NBPF9: variants seen among roughly 807,000 people sequenced by gnomAD.
NBPF9 encodes NBPF member 9.
A neutral mutation model predicts 97.8 loss-of-function variants in NBPF9; 91 were observed. The observed-to-expected ratio is 0.93, with a 90% CI of 0.79 to 1.11. The LOEUF (loss-of-function observed/expected upper bound fraction) is 1.11. NBPF9 is among the 50% of genes least tolerant of loss of function. The probability of loss-of-function intolerance (pLI) is 0.00; values close to 1 mark genes in which losing one functional copy is unlikely to be tolerated. For missense variants in NBPF9, 992 were observed against 939.5 expected (o/e 1.06, Z -0.73); for synonymous variants, 334 against 359.5 (o/e 0.93, Z 0.80).
chr1:149,059,231 A>T lies in NBPF9; in HGVS notation c.2586-134T>A, dbSNP rs1313986018. The T allele has an allele frequency of 4.4e-4, 196 of 446,130 alleles. 53 individuals are homozygous for T. The South Asian group carries it at 4.6e-3, about 10-fold the overall frequency. 27.6% of individuals were successfully genotyped at this position (446,130 alleles called of 1,614,324 possible). ...AGATCCATTAATGAGGTAATGAATT[A>T]TTGCCTTTAGGTTGGGATAGACCAG... On this transcript the variant is annotated intron_variant, in intron 25 of 29. Transcript: ENST00000584027.
At chr1:149,098,370 A>T in intron 4 of NBPF9, 68 bp downstream of exon 4, 1 of 1,018,424 alleles carries the variant, frequency 9.8e-7, no homozygotes, top group East Asian at 5.4e-5. Context: ...TCTTCCCTTC[A>T]CATCTGAGTC....
At chr1:149,101,087 T>G (rs1189875772) in intron 3 of NBPF9, among the ~76,000 whole-genome samples, 175 bp downstream of exon 3, 1 of 151,278 alleles carries the variant, frequency 6.6e-6, no homozygotes, top group African/African-American at 2.4e-5. Flanking sequence ...TATAATTTCA[T>G]TAAAATTAAG....
At position 149,061,519 on chromosome 1, in the gene NBPF9, G is replaced by A. The variant is rs1456339461; in HGVS notation, c.2252-136C>T. ...GGACAATGTGACAGATATACTTCAG[G>A]AAGCCTGAAAGCTGGTCATGATATT... On this transcript the variant is annotated intron_variant, in intron 22 of 29. Coordinates refer to ENST00000584027, the Ensembl canonical transcript of NBPF9. The A allele has an allele frequency of 3.8e-5, 18 of 473,534 alleles. 5 individuals are homozygous for A. The highest frequency in any genetic ancestry group is 5.4e-5 in the Non-Finnish European group (14 of 260,274). 29.3% of individuals were successfully genotyped at this position (473,534 alleles called of 1,614,324 possible). A position where few individuals can be genotyped will look rare whatever the true frequency, so the allele number is the denominator to read the frequency against.
At chr1:149,100,930 T>C (rs1343421061) in intron 3 of NBPF9, among the ~76,000 whole-genome samples, 5 of 150,022 alleles carry the variant, frequency 3.3e-5, no homozygotes, top group Non-Finnish European at 7.4e-5. Context: ...TGAGGCCCTG[T>C]CTGAAAAAAA....
At chr1:149,093,432 G>C (rs1451482393) in intron 4 of NBPF9, among the ~76,000 whole-genome samples, 7 of 151,920 alleles carry the variant, frequency 4.6e-5, no homozygotes, top group Non-Finnish European at 1.0e-4. Flanking sequence ...GACCCTTTAT[G>C]GGTGTCGGGC....
At position 149,072,985 on chromosome 1, in the gene NBPF9, C is replaced by G. The variant is rs377305120; in HGVS notation, c.1092-53G>C. 6 of 1,575,808 alleles carry G rather than the reference C, an allele frequency of 3.8e-6. No individual in the cohort carries two copies. In the Middle Eastern group the frequency reaches 1.4e-3, roughly 363 times the overall value. ...AGAGTGGAAAGGGTTGAGTGATCCG[C>G]TCAAATATTGCAACAGAGATTTCTG... On this transcript the variant is annotated intron_variant, in intron 13 of 29. Transcript: ENST00000584027.
At chr1:149,072,900 C>T (rs587603139) in exon 14 of NBPF9, 20 of 1,606,904 alleles carry the variant, frequency 1.2e-5, no homozygotes, top group East Asian at 6.7e-5. Context: ...GGTCAGCTCT[C>T]GTTCCTGAGC....
intron 5 of NBPF9, among the ~76,000 whole-genome samples, chr1:149,084,064 T>A (rs1253107063): frequency 2.7e-5 from 4 of 150,664 alleles, no homozygotes; most frequent in Non-Finnish European, 2.9e-5. Context: ...GAAGCGGCGG[T>A]GCGAGCATGT....
At position 149,072,121 on chromosome 1, in the gene NBPF9, G is replaced by A. The variant is rs371510240; in HGVS notation, c.1307-445C>T. 6.2e-3 allele frequency among the ~76,000 whole-genome samples: 937 copies of A among 150,340 alleles called. 6 individuals are homozygous for A. The highest frequency in any genetic ancestry group is 0.023 in the South Asian group (106 of 4,618). ...CAAGCCTCCAAGTGGCTTCTGCTGT[G>A]TTCTTCAGGGACATTCTATCCATGG... On this transcript the variant is annotated intron_variant, in intron 14 of 29. Transcript: ENST00000584027.
intron 12 of NBPF9, among the ~76,000 whole-genome samples, chr1:149,074,443 GT>G (rs2079678827): frequency 6.6e-6 from 1 of 151,546 alleles, no homozygotes; most frequent in South Asian, 2.1e-4. Flanking sequence ...TGCTAATAAA[GT>G]TTGTGTTAAT....
At chr1:149,099,536 A>G in intron 3 of NBPF9, among the ~76,000 whole-genome samples, 1 of 152,228 alleles carries the variant, frequency 6.6e-6, no homozygotes, top group Non-Finnish European at 1.5e-5. Flanking sequence ...ATGGTGAATA[A>G]GAGACAAAAT....
At position 149,063,594 on chromosome 1, in the gene NBPF9, C is replaced by T. The variant is rs1253876365; in HGVS notation, c.2026+39G>A. 3 of 609,080 alleles carry T rather than the reference C, an allele frequency of 4.9e-6. No individual in the cohort carries two copies. In the African/African-American group the frequency reaches 6.2e-5, roughly 13 times the overall value. The allele number at this position is 609,080 out of a possible 1,614,324, so 37.7% of individuals were successfully genotyped here. ...TAGGAATATGACCCTAACCAGAAGA[C>T]TCAGTGGATCCTTATCACCTTCATA... On this transcript the variant is annotated intron_variant, in intron 20 of 29. Coordinates refer to ENST00000584027, the Ensembl canonical transcript of NBPF9.
intron 5 of NBPF9, among the ~76,000 whole-genome samples, chr1:149,085,344 C>T (rs1243127902): frequency 1.3e-5 from 2 of 152,146 alleles, no homozygotes; most frequent in Non-Finnish European, 2.9e-5. Context: ...TACACCATTA[C>T]TACTGTTTTA....
At chr1:149,101,711 T>C (rs1472822245) in intron 2 of NBPF9, among the ~76,000 whole-genome samples, 4 of 151,920 alleles carry the variant, frequency 2.6e-5, no homozygotes, top group African/African-American at 9.7e-5. Context: ...AATTTTTAAC[T>C]GACAGGCATC....
chr1:149,090,420 G>A lies in NBPF9; in HGVS notation c.-195+333C>T, dbSNP rs1479452267. ...CCATCTGTTTCATGGCCACCTGTTT[G>A]CTCATTTCCTATGTACATAAAGGGA... On this transcript the variant is annotated intron_variant, in intron 5 of 29. Coordinates refer to ENST00000584027, the Ensembl canonical transcript of NBPF9. 1.3e-5 allele frequency: 3 copies of A among 239,216 alleles called. No individual in the cohort carries two copies. The South Asian group carries it at 1.7e-4, about 13-fold the overall frequency. 14.8% of individuals were successfully genotyped at this position (239,216 alleles called of 1,614,324 possible).
At chr1:149,078,821 A>C (rs2080135951) in intron 9 of NBPF9, among the ~76,000 whole-genome samples, 186 bp downstream of exon 9, 1 of 149,524 alleles carries the variant, frequency 6.7e-6, no homozygotes, top group Non-Finnish European at 1.5e-5. Context: ...CACTTGCAAT[A>C]CTGTGACCTC....
chr1:149,078,093 A>G (rs2080067399), intron 9 of NBPF9, 138 bp from the exon 10 acceptor site: 1 of 764,656 alleles, frequency 1.3e-6, no homozygotes, highest in Non-Finnish European at 2.1e-6. Flanking sequence ...ATCTTTCACA[A>G]AATGCCCTGG....
At chr1:149,057,704 G>GACACAC (rs879952249) in intron 27 of NBPF9, among the ~76,000 whole-genome samples, 197 bp from the exon 28 acceptor site, 6 of 27,838 alleles carry the variant, frequency 2.2e-4, no homozygotes, top group South Asian at 2.9e-3. Flanking sequence ...AAGACAGATA[G>GACACAC]ACACACACAC....
intron 3 of NBPF9, among the ~76,000 whole-genome samples, chr1:149,100,059 G>A (rs76465787): frequency 6.3e-5 from 9 of 142,730 alleles, no homozygotes; most frequent in African/African-American, 1.3e-4. Context: ...ATATCACGTC[G>A]GCCCTTTAAA....
Sources: gnomAD v4.1 joint callset for allele counts (sites outside exome capture counted in the v4.1 genomes callset) on GRCh38, gnomAD v4.1.1 for gene constraint, MANE v1.5 for transcripts, NCBI Gene and HGNC (gene_info 2026-07-23, HGNC 2026-07-21) for gene names.